The following ARR3 variants were observed in gnomAD, a reference collection of about 807,000 sequenced individuals.
ARR3 encodes the protein arrestin-C.
A neutral mutation model predicts 35.4 loss-of-function variants in ARR3; 14 were observed. The ratio of observed to expected loss-of-function variants is 0.40; its 90% CI spans 0.26 to 0.62. The LOEUF (loss-of-function observed/expected upper bound fraction) is 0.62. ARR3 is among the 20% of genes least tolerant of loss of function. The pLI is 0.46. For missense variants in ARR3, 259 were observed against 303.8 expected (o/e 0.85, Z 1.10); for synonymous variants, 97 against 119.1 (o/e 0.81, Z 1.21).
At chrX:70,279,898 G>A (rs1393690989) in intron 12 of ARR3, among the ~76,000 whole-genome samples, 2 of 111,788 alleles carry the variant, frequency 1.8e-5, no homozygotes, top group Admixed American at 1.9e-4. Flanking sequence ...CAGGAGTTAG[G>A]GGAGAAAAGG....
In ARR3 at chrX:70,277,006, G is replaced by C. The variant is rs893695842; in HGVS notation, c.473+270G>C. Among the ~76,000 whole-genome samples, 8 of 112,736 alleles carry C rather than the reference G, an allele frequency of 7.1e-5. No homozygotes were observed. The Admixed American group carries it at 7.5e-4, about 11-fold the overall frequency. On this transcript the variant is annotated intron_variant, in intron 8 of 16. Transcript: ENST00000307959. The stretch of plus-strand genomic sequence containing the variant: ...TCAACTCTGCCGTTGTAGTGCAATC[G>C]CAGCCACAGATAGTATAGAAATGAA...
chrX:70,280,857 G>A, intron 15 of ARR3, 39 bp downstream of exon 15: 1 of 1,202,475 alleles, frequency 8.3e-7, no homozygotes, highest in Admixed American at 2.2e-5. Flanking sequence ...CGGCTGTCCT[G>A]AGGGCTGGGG....
intron 5 of ARR3, among the ~76,000 whole-genome samples, chrX:70,275,621 T>C (rs985947705): frequency 1.8e-5 from 2 of 109,279 alleles, no homozygotes; most frequent in Admixed American, 9.8e-5. Context: ...CAGTCAAATG[T>C]ATTAAGAATC....
chrX:70,274,359 G>A (rs1184390251), intron 5 of ARR3, among the ~76,000 whole-genome samples: 1 of 110,259 alleles, frequency 9.1e-6, no homozygotes, highest in African/African-American at 3.3e-5. Context: ...ATGCCACCAT[G>A]CCCAGCTAAT....
rs1442094885 is a variant in ARR3 at position 70,269,654 on chromosome X, C to T, written c.9-8C>T. ...CTCTCCATCCTCTTTCTGGTTTTCTCCTCATAGGGTGTTTAAGAAGACCAG... is the reference window on the plus strand; with the variant it reads ...CTCTCCATCCTCTTTCTGGTTTTCTTCTCATAGGGTGTTTAAGAAGACCAG... On this transcript the variant is annotated splice_polypyrimidine_tract_variant and splice_region_variant and intron_variant, in intron 2 of 16. Transcript: ENST00000307959. 11 of 1,203,670 alleles carry T rather than the reference C, an allele frequency of 9.1e-6. No individual in the cohort carries two copies. Among genetic ancestry groups the T allele is most frequent in the African/African-American group, 5.3e-5 (3 of 56,880 alleles).
At chrX:70,281,302 C>A in intron 16 of ARR3, 194 bp downstream of exon 16, 1 of 488,825 alleles carries the variant, frequency 2.0e-6, no homozygotes, top group Non-Finnish European at 3.4e-6. Flanking sequence ...TCCCCCCGCC[C>A]TCCACCTTCT....
In ARR3 at chrX:70,278,103, C is replaced by G. The variant is rs1419405356; in HGVS notation, c.732C>G (p.Asp244Glu). Residue 244 changes from aspartate (D) to glutamate (E), a missense_variant, in exon 11 of 17, where the codon GAC (aspartate) becomes GAG (glutamate). Transcript: ENST00000307959. ...QITDVVLYSL[D>E]KYTKTVFIQE... ...CAGATGTTGTCCTGTATTCACTAGA[C>G]AAGTACACCAAGACTGTGTTCATTC... 1 of 1,207,231 alleles carries G rather than the reference C, an allele frequency of 8.3e-7. No individual in the cohort carries two copies. Among genetic ancestry groups the G allele is most frequent in the Non-Finnish European group, 1.1e-6 (1 of 894,395 alleles).
rs192539459 is a variant in ARR3, at chrX:70,270,549, G to A, written c.145+405G>A. Among the ~76,000 whole-genome samples, 231 of 111,534 alleles carry A rather than the reference G, an allele frequency of 2.1e-3. 1 individual carries two copies. The highest frequency in any genetic ancestry group is 0.017 in the East Asian group (61 of 3,578). ...GTGCCCCTGCTTGGCTATTGATCTG[G>A]ATCTTAGACTGCCTATAGAATGATC... On this transcript the variant is annotated intron_variant, in intron 5 of 16. Coordinates refer to ENST00000307959, the MANE Select transcript of ARR3 (RefSeq NM_004312.3).
chrX:70,281,287 C>A, intron 16 of ARR3, 179 bp downstream of exon 16: 1 of 516,828 alleles, frequency 1.9e-6, no homozygotes. Flanking sequence ...CTTTCCCTTT[C>A]TGCATCCCCC....
Position 70,269,906 on chromosome X carries a change from C to A in ARR3, c.100+3C>A. ...TGTGGACACGGTGGAACCCATTGGTCAGTGAGTCCAAAAAAGGGAAGCCTG... is the reference window on the plus strand; with the variant it reads ...TGTGGACACGGTGGAACCCATTGGTAAGTGAGTCCAAAAAAGGGAAGCCTG... On this transcript the variant is annotated splice_donor_region_variant and intron_variant, in intron 4 of 16. Transcript: ENST00000307959. The A allele has an allele frequency of 8.3e-7, 1 of 1,206,841 alleles. No homozygotes were observed. The highest frequency in any genetic ancestry group is 1.1e-6 in the Non-Finnish European group (1 of 892,900).
intron 12 of ARR3, 98 bp downstream of exon 12, chrX:70,278,739 C>G: frequency 1.9e-6 from 2 of 1,076,845 alleles, no homozygotes; most frequent in Admixed American, 5.4e-5. Flanking sequence ...GTAAAGCCTA[C>G]CTGTTTTTTA....
chrX:70,272,224 C>A (rs2085632673), intron 5 of ARR3, among the ~76,000 whole-genome samples: 1 of 110,542 alleles, frequency 9.0e-6, no homozygotes. Context: ...ATTTTCCTTT[C>A]TTTCTCTCTC....
chrX:70,268,857 G>A (rs2085618019), intron 1 of ARR3, among the ~76,000 whole-genome samples: 1 of 111,029 alleles, frequency 9.0e-6, no homozygotes, highest in Non-Finnish European at 1.9e-5. Flanking sequence ...GGAGCAGAAG[G>A]AGACAGAATC....
At chrX:70,274,006 T>C (rs777987718) in intron 5 of ARR3, among the ~76,000 whole-genome samples, 12 of 109,832 alleles carry the variant, frequency 1.1e-4, no homozygotes, top group South Asian at 4.0e-4. Flanking sequence ...ACCCTTCTCC[T>C]CTTTCTCTCC....
In ARR3 at chrX:70,276,763, C is replaced by T. The variant is rs369975637; in HGVS notation, c.473+27C>T. ...TATTCTTTGGTTGTCCCCAAAAATC[C>T]CTGCCTCCAGCCTCTGCCAGGAAAC... is the stretch of plus-strand genomic sequence containing the variant. On this transcript the variant is annotated intron_variant, in intron 8 of 16. Coordinates refer to ENST00000307959, the MANE Select transcript of ARR3 (RefSeq NM_004312.3). 20 of 1,173,358 alleles carry T rather than the reference C, an allele frequency of 1.7e-5. No homozygotes were observed. The African/African-American group carries it at 3.0e-4, about 18-fold the overall frequency.
chrX:70,277,477 G>A lies in ARR3; in HGVS notation c.557G>A (p.Arg186His), dbSNP rs764023653. ...GGCCCCTCAGCCCAGACCATCCGCC[G>A]CTTCCTTCTGTCAGCTCAGCCCCTA... ...GPGPSAQTIR[R>H]FLLSAQPLQL... Residue 186 changes from arginine to histidine, a missense_variant, in exon 9 of 17, where the codon CGC becomes CAC. By Grantham distance (29) the Arg-to-His change is conservative. Transcript: ENST00000307959. 70 of 1,209,651 alleles carry A rather than the reference G, an allele frequency of 5.8e-5. No homozygotes were observed. The highest frequency in any genetic ancestry group is 2.8e-4 in the Admixed American group (13 of 45,799).
intron 12 of ARR3, among the ~76,000 whole-genome samples, chrX:70,279,570 C>T (rs1478094461): frequency 2.7e-5 from 3 of 112,629 alleles, no homozygotes. Flanking sequence ...AAGTTTAAGA[C>T]AGTCTCTGCC....
chrX:70,269,647 G>A lies in ARR3; in HGVS notation c.9-15G>A, dbSNP rs2085621868. ...AATCCCCCTCTCCATCCTCTTTCTG[G>A]TTTTCTCCTCATAGGGTGTTTAAGA... On this transcript the variant is annotated splice_polypyrimidine_tract_variant and intron_variant, in intron 2 of 16. Coordinates refer to ENST00000307959, the MANE Select transcript of ARR3 (RefSeq NM_004312.3). 1.7e-6 allele frequency: 2 copies of A among 1,204,219 alleles called. No homozygotes were observed. The highest frequency in any genetic ancestry group is 2.2e-5 in the Admixed American group (1 of 45,517).
chrX:70,270,190 C>A (rs1263403215), intron 5 of ARR3, 46 bp downstream of exon 5: 1 of 1,151,420 alleles, frequency 8.7e-7, no homozygotes, highest in Admixed American at 2.2e-5. Flanking sequence ...AGACAGGTAA[C>A]CCGATGAGTG....
Sources: allele counts gnomAD v4.1 joint callset (sites outside exome capture counted in the v4.1 genomes callset), GRCh38; gene constraint gnomAD v4.1.1; transcripts MANE v1.5; gene names NCBI Gene and HGNC (gene_info 2026-07-23, HGNC 2026-07-21).